Variants in MAGI2 observed in about 807,000 individuals in gnomAD.
MAGI2 encodes the protein membrane-associated guanylate kinase, WW and PDZ domain-containing protein 2.
In MAGI2, 35 loss-of-function variants were observed where a neutral mutation model predicts 133.3. That is an observed-to-expected ratio of 0.26 (90% CI 0.20 to 0.35). The LOEUF is 0.35. Among genes scored for constraint, MAGI2 ranks in the 10% least tolerant of loss-of-function variants. The pLI is 1.00. For missense variants in MAGI2, 1,636 were observed against 1,863.4 expected (o/e 0.88, Z 2.25); for synonymous variants, 729 against 710.6 (o/e 1.03, Z -0.41).
intron 1 of MAGI2, among the ~76,000 whole-genome samples, chr7:79,237,213 T>C (rs1234943585): frequency 6.6e-6 from 1 of 152,200 alleles, no homozygotes; most frequent in Non-Finnish European, 1.5e-5. Flanking sequence ...TTTTATACAC[T>C]TGCCGGGCGC....
chr7:78,960,923 C>T (rs148378569), intron 2 of MAGI2, among the ~76,000 whole-genome samples: 15 of 152,206 alleles, frequency 9.9e-5, no homozygotes, highest in Admixed American at 2.6e-4. Flanking sequence ...TGATTCCATA[C>T]GACCTATATC....
intron 2 of MAGI2, among the ~76,000 whole-genome samples, chr7:78,876,952 G>A (rs1454610269): frequency 1.3e-5 from 2 of 152,082 alleles, no homozygotes; most frequent in East Asian, 1.9e-4. Flanking sequence ...TATTCCAACT[G>A]TTTATTTTAC....
intron 2 of MAGI2, among the ~76,000 whole-genome samples, chr7:78,931,747 AC>A (rs1283393898): frequency 1.3e-5 from 2 of 152,130 alleles, no homozygotes; most frequent in Non-Finnish European, 2.9e-5. Context: ...CCACAGGGTA[AC>A]TTGCTTGTAA....
intron 1 of MAGI2, chr7:79,415,317 T>TA (rs1846423359): frequency 6.6e-6 from 1 of 152,162 alleles, no homozygotes. Flanking sequence ...AGGGAGGCTG[T>TA]ACTCCTATGA....
intron 9 of MAGI2, chr7:78,285,864 G>A (rs1179417627): frequency 6.6e-6 from 1 of 152,064 alleles, no homozygotes; most frequent in African/African-American, 2.4e-5. Context: ...TACTTGAGTT[G>A]GCATATTAGA....
chr7:78,203,738 A>G (rs1563256441), intron 10 of MAGI2, among the ~76,000 whole-genome samples: 1 of 152,210 alleles, frequency 6.6e-6, no homozygotes, highest in Non-Finnish European at 1.5e-5. Flanking sequence ...AATAAATGCT[A>G]TTTTTGTGTA....
At chr7:78,377,661 A>T (rs1323400154) in intron 6 of MAGI2, among the ~76,000 whole-genome samples, 1 of 151,472 alleles carries the variant, frequency 6.6e-6, no homozygotes, top group African/African-American at 2.4e-5. Flanking sequence ...AATAATAAAA[A>T]ATAAAAAATA....
intron 1 of MAGI2, among the ~76,000 whole-genome samples, chr7:79,420,613 A>G (rs1315088379): frequency 6.6e-6 from 1 of 152,024 alleles, no homozygotes; most frequent in African/African-American, 2.4e-5. Flanking sequence ...CAGCATCAGC[A>G]TTTGCAGCTC....
chr7:78,026,039 C>T (rs948476605), intron 21 of MAGI2: 4 of 152,596 alleles, frequency 2.6e-5, no homozygotes, highest in African/African-American at 9.7e-5. Flanking sequence ...AAGCAAGCCC[C>T]TCTCCTAAGT....
At chr7:78,923,072 C>A (rs1799390994) in intron 2 of MAGI2, among the ~76,000 whole-genome samples, 1 of 151,956 alleles carries the variant, frequency 6.6e-6, no homozygotes, top group Non-Finnish European at 1.5e-5. Flanking sequence ...TGTTTGAGTT[C>A]ATTGTAGATT....
chr7:78,411,760 G>GA (rs1488269343), intron 6 of MAGI2, among the ~76,000 whole-genome samples: 5 of 152,090 alleles, frequency 3.3e-5, no homozygotes, highest in Non-Finnish European at 5.9e-5. Flanking sequence ...CCTTGGGATG[G>GA]AAATAGTTCT....
chr7:79,095,095 C>T (rs1817405661), intron 1 of MAGI2, among the ~76,000 whole-genome samples: 1 of 152,218 alleles, frequency 6.6e-6, no homozygotes, highest in Non-Finnish European at 1.5e-5. Context: ...ATTTTGCCTA[C>T]ATTAAAAATC....
intron 9 of MAGI2, among the ~76,000 whole-genome samples, chr7:78,330,615 C>CAAAAA (rs4024122): frequency 0.065 from 447 of 6,918 alleles, 108 homozygotes; most frequent in African/African-American, 0.097. Flanking sequence ...GACTCCGTCT[C>CAAAAA]AAAAAAAAAA....
At chr7:78,370,659 T>C (rs1050519051) in intron 6 of MAGI2, among the ~76,000 whole-genome samples, 1 of 151,966 alleles carries the variant, frequency 6.6e-6, no homozygotes, top group African/African-American at 2.4e-5. Context: ...TATGAGTGAT[T>C]TTGTTTCTCT....
chr7:78,266,494 C>A (rs1226390038), intron 9 of MAGI2, among the ~76,000 whole-genome samples: 2 of 151,906 alleles, frequency 1.3e-5, no homozygotes, highest in Non-Finnish European at 2.9e-5. Flanking sequence ...TGAGCCAACA[C>A]ACTCAGCCAG....
chr7:78,810,069 T>G lies in MAGI2; in HGVS notation c.419-182830A>C, dbSNP rs142572751. Among the ~76,000 whole-genome samples, 14 of 152,338 alleles carry G rather than the reference T, an allele frequency of 9.2e-5. No individual in the cohort carries two copies. The East Asian group carries it at 2.5e-3, about 27-fold the overall frequency. ...CAAGAACCATAGAAATGTTGAAAGA[T>G]ATGTAAGAAACATCTTTAGGTCACA... On this transcript the variant is annotated intron_variant, in intron 2 of 21. Transcript: ENST00000354212.
intron 2 of MAGI2, among the ~76,000 whole-genome samples, chr7:78,634,411 A>T (rs1462945437): frequency 6.6e-6 from 1 of 152,196 alleles, no homozygotes; most frequent in Non-Finnish European, 1.5e-5. Context: ...AGCATTTTAG[A>T]TCTATGTGTC....
chr7:78,428,633 G>C (rs897045645), intron 6 of MAGI2, among the ~76,000 whole-genome samples: 1 of 152,106 alleles, frequency 6.6e-6, no homozygotes, highest in Non-Finnish European at 1.5e-5. Flanking sequence ...CCCATTTAAG[G>C]CTGGTGCCTT....
At chr7:78,048,698 C>T (rs1280482712) in intron 21 of MAGI2, among the ~76,000 whole-genome samples, 1 of 152,076 alleles carries the variant, frequency 6.6e-6, no homozygotes, top group African/African-American at 2.4e-5. Context: ...TGGTTTGTCC[C>T]AGGGCTTCCA....
Sources: gnomAD v4.1 joint callset for allele counts (sites outside exome capture counted in the v4.1 genomes callset) on GRCh38, gnomAD v4.1.1 for gene constraint, MANE v1.5 for transcripts, NCBI Gene and HGNC (gene_info 2026-07-23, HGNC 2026-07-21) for gene names.